ZFAND6: variants seen among roughly 807,000 people sequenced by gnomAD.
ZFAND6 encodes AN1-type zinc finger protein 6.
In ZFAND6, 12 loss-of-function variants were observed where a neutral mutation model predicts 24.5. The observed-to-expected ratio is 0.49, with a 90% CI of 0.31 to 0.79. ZFAND6 has a LOEUF of 0.79. ZFAND6 is among the 30% of genes least tolerant of loss of function. The pLI is 0.04. For synonymous variants in ZFAND6, 92 were observed against 81.5 expected (o/e 1.13, Z -0.69); for missense variants, 207 against 245.9 (o/e 0.84, Z 1.06).
chr15:80,098,318 C>G (rs1379268623), intron 1 of ZFAND6, 98 bp from the exon 2 acceptor site: 5 of 152,140 alleles, frequency 3.3e-5, no homozygotes, highest in Non-Finnish European at 4.4e-5. Context: ...TTTAACCTAG[C>G]TATAATAGCG....
At chr15:80,084,720 C>G (rs1276523353) in intron 1 of ZFAND6, among the ~76,000 whole-genome samples, 2 of 152,168 alleles carry the variant, frequency 1.3e-5, no homozygotes, top group Admixed American at 6.5e-5. Flanking sequence ...ATTTTCTCTT[C>G]AAGTCATTGA....
intron 1 of ZFAND6, among the ~76,000 whole-genome samples, chr15:80,088,571 G>GA (rs552938462): frequency 4.0e-4 from 60 of 149,912 alleles, no homozygotes; most frequent in Non-Finnish European, 7.5e-4. Context: ...TGTCTCAAAA[G>GA]AAAAAAACGA....
At chr15:80,127,807 A>G (rs938941720) in intron 5 of ZFAND6, among the ~76,000 whole-genome samples, 2 of 152,198 alleles carry the variant, frequency 1.3e-5, no homozygotes, top group African/African-American at 4.8e-5. Context: ...CAAAAAATTA[A>G]AAAGAATTGT....
At chr15:80,080,342 A>T (rs1251128434) in intron 1 of ZFAND6, among the ~76,000 whole-genome samples, 1 of 152,212 alleles carries the variant, frequency 6.6e-6, no homozygotes, top group Non-Finnish European at 1.5e-5. Flanking sequence ...GTTTAAAATT[A>T]TATATACAGT....
At chr15:80,095,270 C>T (rs1251245667) in intron 1 of ZFAND6, among the ~76,000 whole-genome samples, 1 of 152,110 alleles carries the variant, frequency 6.6e-6, no homozygotes, top group African/African-American at 2.4e-5. Context: ...CTAATGTGTT[C>T]TCATGATAAA....
intron 5 of ZFAND6, among the ~76,000 whole-genome samples, chr15:80,126,960 C>T (rs1228919779): frequency 2.0e-5 from 3 of 151,748 alleles, no homozygotes; most frequent in South Asian, 2.1e-4. Context: ...AAAAAATAGC[C>T]GAGTGTGGTG....
chr15:80,113,134 G>A (rs1046103236), intron 2 of ZFAND6, among the ~76,000 whole-genome samples: 3 of 152,098 alleles, frequency 2.0e-5, no homozygotes, highest in African/African-American at 7.2e-5. Context: ...GAAATTATTA[G>A]TGAAGGTCCC....
At chr15:80,067,041 C>T (rs1412609452) in intron 1 of ZFAND6, among the ~76,000 whole-genome samples, 1 of 152,078 alleles carries the variant, frequency 6.6e-6, no homozygotes, top group East Asian at 1.9e-4. Context: ...GGTAGTTTCC[C>T]ATGTGAAGAG....
intron 1 of ZFAND6, among the ~76,000 whole-genome samples, chr15:80,093,569 T>G (rs1343431191): frequency 6.6e-6 from 1 of 151,774 alleles, no homozygotes; most frequent in Non-Finnish European, 1.5e-5. Flanking sequence ...TCTACTAAAA[T>G]ACAAAATTAG....
chr15:80,121,587 A>G (rs1481213106), intron 3 of ZFAND6, 125 bp from the exon 4 acceptor site: 3 of 621,870 alleles, frequency 4.8e-6, no homozygotes, highest in Non-Finnish European at 7.5e-6. Context: ...ATGAACCAAC[A>G]TACTACATAT....
At chr15:80,125,470 G>T (rs777899248) in intron 5 of ZFAND6, among the ~76,000 whole-genome samples, 1 of 152,182 alleles carries the variant, frequency 6.6e-6, no homozygotes, top group Non-Finnish European at 1.5e-5. Context: ...CATGTATTCT[G>T]CTTATAATTA....
At chr15:80,115,030 A>C (rs1479644415) in intron 2 of ZFAND6, 1 of 152,188 alleles carries the variant, frequency 6.6e-6, no homozygotes, top group Non-Finnish European at 1.5e-5. Flanking sequence ...TTTTTAGATC[A>C]AAAGACACTG....
intron 4 of ZFAND6, among the ~76,000 whole-genome samples, chr15:80,122,211 G>A (rs2040178070): frequency 6.6e-6 from 1 of 151,926 alleles, no homozygotes; most frequent in African/African-American, 2.4e-5. Context: ...TGTTTATATT[G>A]TAATGTGTAT....
intron 6 of ZFAND6, among the ~76,000 whole-genome samples, chr15:80,135,667 G>A (rs2040828928): frequency 6.6e-6 from 1 of 152,266 alleles, no homozygotes; most frequent in South Asian, 2.1e-4. Context: ...CAGGTATGGT[G>A]GCTCACACCT....
At chr15:80,080,069 A>G (rs773733980) in intron 1 of ZFAND6, among the ~76,000 whole-genome samples, 6 of 150,948 alleles carry the variant, frequency 4.0e-5, no homozygotes, top group Non-Finnish European at 8.9e-5. Flanking sequence ...TGCAATCTCC[A>G]GTCACTGCAA....
At chr15:80,070,924 G>C (rs951480948) in intron 1 of ZFAND6, among the ~76,000 whole-genome samples, 28 of 151,858 alleles carry the variant, frequency 1.8e-4, no homozygotes, top group African/African-American at 6.5e-4. Context: ...TGCTTCCAGT[G>C]TTCTTTTGCA....
At chr15:80,103,864 A>G (rs1259877171) in intron 2 of ZFAND6, among the ~76,000 whole-genome samples, 1 of 152,120 alleles carries the variant, frequency 6.6e-6, no homozygotes, top group Non-Finnish European at 1.5e-5. Flanking sequence ...TTGTTTTTTT[A>G]AGAAACAAGA....
At chr15:80,088,699 CTCTTT>C (rs1281822745) in intron 1 of ZFAND6, among the ~76,000 whole-genome samples, 22 of 152,192 alleles carry the variant, frequency 1.4e-4, no homozygotes, top group Non-Finnish European at 2.8e-4. Flanking sequence ...TTCATTTACC[CTCTTT>C]TCTTTATGGA....
At chr15:80,074,686 T>C (rs896099657) in intron 1 of ZFAND6, among the ~76,000 whole-genome samples, 5 of 151,990 alleles carry the variant, frequency 3.3e-5, no homozygotes, top group Admixed American at 2.0e-4. Flanking sequence ...AACTTAACTT[T>C]ACACACATAT....
Sources: allele counts gnomAD v4.1 joint callset (sites outside exome capture counted in the v4.1 genomes callset), GRCh38; gene constraint gnomAD v4.1.1; transcripts MANE v1.5; gene names NCBI Gene and HGNC (gene_info 2026-07-23, HGNC 2026-07-21).